PAN3: variants seen among roughly 807,000 people sequenced by gnomAD.
PAN3 encodes poly(A) specific ribonuclease subunit PAN3.
PAN3 carries 19 observed loss-of-function variants against 96.2 expected under a neutral mutation model. That is an observed-to-expected ratio of 0.20 (90% CI 0.14 to 0.29). The LOEUF (loss-of-function observed/expected upper bound fraction) is 0.29. Among genes scored for constraint, PAN3 ranks in the 10% least tolerant of loss-of-function variants. The probability of loss-of-function intolerance (pLI) is 1.00; values close to 1 mark genes in which losing one functional copy is unlikely to be tolerated. For missense variants in PAN3, 882 were observed against 1,108.1 expected (o/e 0.80, Z 2.90); for synonymous variants, 433 against 406.6 (o/e 1.06, Z -0.78).
chr13:28,159,234 A>C (rs1243866456), intron 1 of PAN3, among the ~76,000 whole-genome samples: 2 of 152,176 alleles, frequency 1.3e-5, no homozygotes, highest in African/African-American at 4.8e-5. Flanking sequence ...AGATAAAGAA[A>C]ATTTGGGGCA....
At chr13:28,264,469 G>A (rs1165282543) in intron 9 of PAN3, among the ~76,000 whole-genome samples, 1 of 152,112 alleles carries the variant, frequency 6.6e-6, no homozygotes, top group African/African-American at 2.4e-5. Flanking sequence ...AACCTGGGAG[G>A]TGGAGGTTGC....
chr13:28,148,112 T>G (rs368786554), intron 1 of PAN3, among the ~76,000 whole-genome samples: 6 of 152,060 alleles, frequency 3.9e-5, no homozygotes, highest in Non-Finnish European at 8.8e-5. Context: ...TAAGCCACCA[T>G]GTCCAGCTCC....
chr13:28,209,531 T>C lies in PAN3; in HGVS notation c.853-10700T>C, dbSNP rs185018058. On this transcript the variant is annotated intron_variant, in intron 5 of 18. Transcript: ENST00000380958. ...ATCAACTCATAATTTTTAATAGTTATACATTATGATATGTTCCACAGTCCA... is the reference window on the plus strand; with the variant it reads ...ATCAACTCATAATTTTTAATAGTTACACATTATGATATGTTCCACAGTCCA... Among the ~76,000 whole-genome samples the C allele has an allele frequency of 2.1e-3, 314 of 152,340 alleles. 1 individual carries two copies. Among genetic ancestry groups the C allele is most frequent in the African/African-American group, 7.4e-3 (306 of 41,576 alleles).
Position 28,212,710 on chromosome 13 carries a change from G to A in PAN3, c.853-7521G>A, listed in dbSNP as rs187442757. Reference sequence around the variant, plus strand: ...CTATAGTGTCTGAAATGAATAATATGTTTGATGGGATTAATGGCAATAGAC... The same window carrying A: ...CTATAGTGTCTGAAATGAATAATATATTTGATGGGATTAATGGCAATAGAC... On this transcript the variant is annotated intron_variant, in intron 5 of 18. Transcript: ENST00000380958. Among the ~76,000 whole-genome samples, 482 of 152,270 alleles carry A rather than the reference G, an allele frequency of 3.2e-3. 3 individuals are homozygous for A. Among genetic ancestry groups the A allele is most frequent in the African/African-American group, 0.011 (454 of 41,558 alleles).
At chr13:28,268,325 A>G (rs543370784) in intron 12 of PAN3, among the ~76,000 whole-genome samples, 14 of 152,152 alleles carry the variant, frequency 9.2e-5, no homozygotes, top group Middle Eastern at 3.4e-3. Context: ...TCCTATTATG[A>G]CTATATTGTT....
chr13:28,174,378 A>G lies in PAN3; in HGVS notation c.537A>G (p.Lys179=), dbSNP rs1455162389. The change falls in exon 2 of 19, where the codon AAA becomes AAG. Residue 179 remains lysine, a synonymous_variant. Coordinates refer to ENST00000380958, the MANE Select transcript of PAN3 (RefSeq NM_175854.8). ...GATTTGGAAGCCCTGTAGAAACAAA[A>G]TATCCCCTGATGCAGGTATCCTTAG... The part of the protein sequence containing the change: ...VNGFGSPVET[K]YPLMQRMTNS... 6.2e-7 allele frequency: 1 copy of G among 1,613,194 alleles called. No homozygotes were observed. The highest frequency in any genetic ancestry group is 1.3e-5 in the African/African-American group (1 of 75,016).
intron 3 of PAN3, among the ~76,000 whole-genome samples, chr13:28,177,027 A>C (rs2138114804): frequency 6.6e-6 from 1 of 152,298 alleles, no homozygotes; most frequent in African/African-American, 2.4e-5. Context: ...TATATGTACT[A>C]CATTGTGAAG....
chr13:28,247,616 A>C (rs1884331551), intron 6 of PAN3, among the ~76,000 whole-genome samples: 1 of 152,192 alleles, frequency 6.6e-6, no homozygotes, highest in African/African-American at 2.4e-5. Context: ...TGGTAAGAGA[A>C]AGGAATATAG....
intron 1 of PAN3, among the ~76,000 whole-genome samples, chr13:28,140,637 C>T (rs1189319029): frequency 3.3e-5 from 5 of 152,284 alleles, no homozygotes; most frequent in African/African-American, 9.6e-5. Flanking sequence ...CTGCCTGGGC[C>T]TCCCAAAGTG....
At chr13:28,251,550 G>T (rs777814221) in intron 6 of PAN3, among the ~76,000 whole-genome samples, 1 of 152,184 alleles carries the variant, frequency 6.6e-6, no homozygotes, top group Non-Finnish European at 1.5e-5. Context: ...CAGGCATGTG[G>T]TTTCCATTTC....
At chr13:28,234,295 C>G (rs2098626072) in intron 6 of PAN3, among the ~76,000 whole-genome samples, 2 of 152,110 alleles carry the variant, frequency 1.3e-5, no homozygotes, top group Admixed American at 6.5e-5. Context: ...TTCCTGGGAT[C>G]AGGCAGTCCT....
intron 6 of PAN3, among the ~76,000 whole-genome samples, chr13:28,224,147 A>G (rs1406851602): frequency 6.6e-6 from 1 of 152,180 alleles, no homozygotes; most frequent in Admixed American, 6.5e-5. Context: ...CTGGGATTAC[A>G]GGCGTGAGCA....
chr13:28,217,702 C>A (rs772579529), intron 5 of PAN3, among the ~76,000 whole-genome samples: 1 of 151,514 alleles, frequency 6.6e-6, no homozygotes, highest in Non-Finnish European at 1.5e-5. Flanking sequence ...AAAATATAAA[C>A]GTAAATTAGG....
chr13:28,230,810 C>A (rs1882471623), intron 6 of PAN3, among the ~76,000 whole-genome samples: 1 of 152,048 alleles, frequency 6.6e-6, no homozygotes, highest in Admixed American at 6.5e-5. Context: ...TTGTAAACAA[C>A]ACAACACAAT....
chr13:28,248,738 G>T (rs1010423220), intron 6 of PAN3, among the ~76,000 whole-genome samples: 4 of 152,126 alleles, frequency 2.6e-5, no homozygotes, highest in African/African-American at 9.7e-5. Context: ...GTTTAGGCTG[G>T]TTTAAAATTC....
At chr13:28,248,323 G>A (rs1884402033) in intron 6 of PAN3, among the ~76,000 whole-genome samples, 1 of 152,084 alleles carries the variant, frequency 6.6e-6, no homozygotes, top group Admixed American at 6.5e-5. Flanking sequence ...TTTGGGTGGA[G>A]TCTTTTGGTG....
intron 1 of PAN3, among the ~76,000 whole-genome samples, chr13:28,165,521 C>G (rs1873428057): frequency 6.6e-6 from 1 of 151,994 alleles, no homozygotes; most frequent in Non-Finnish European, 1.5e-5. Flanking sequence ...TTTGGGCAAG[C>G]TATAATCTCT....
intron 12 of PAN3, among the ~76,000 whole-genome samples, 200 bp downstream of exon 12, chr13:28,267,601 A>G (rs1172048198): frequency 6.6e-6 from 1 of 152,240 alleles, no homozygotes; most frequent in African/African-American, 2.4e-5. Flanking sequence ...GAGAGGTTTA[A>G]TGAACTTACA....
At chr13:28,224,083 G>A (rs1166278432) in intron 6 of PAN3, among the ~76,000 whole-genome samples, 2 of 151,608 alleles carry the variant, frequency 1.3e-5, no homozygotes, top group Non-Finnish European at 2.9e-5. Context: ...ATGTTAGCCA[G>A]GATGGTCTCG....
Sources: gnomAD v4.1 joint callset for allele counts (sites outside exome capture counted in the v4.1 genomes callset) on GRCh38, gnomAD v4.1.1 for gene constraint, MANE v1.5 for transcripts, NCBI Gene and HGNC (gene_info 2026-07-23, HGNC 2026-07-21) for gene names.